Variants in COL19A1 observed in about 807,000 individuals in gnomAD.
The protein encoded by COL19A1 is collagen alpha-1(XIX) chain.
A neutral mutation model predicts 190.2 loss-of-function variants in COL19A1; 159 were observed. That is an observed-to-expected ratio of 0.84 (90% CI 0.73 to 0.95). The LOEUF (loss-of-function observed/expected upper bound fraction) is 0.95. Ranked by LOEUF, COL19A1 falls within the 40% of genes least tolerant of loss-of-function variation. The pLI is 0.00. For synonymous variants in COL19A1, 509 were observed against 458.9 expected (o/e 1.11, Z -1.39); for missense variants, 1,418 against 1,431.9 (o/e 0.99, Z 0.16).
At chr6:70,059,935 A>T (rs1562129646) in intron 14 of COL19A1, 2 of 339,284 alleles carry the variant, frequency 5.9e-6, no homozygotes, top group Non-Finnish European at 1.1e-5. Flanking sequence ...AAGAAAAAAA[A>T]TCCACAGGCT....
intron 9 of COL19A1, among the ~76,000 whole-genome samples, chr6:69,940,760 C>G (rs772211263): frequency 6.6e-6 from 1 of 152,088 alleles, no homozygotes; most frequent in South Asian, 2.1e-4. Context: ...TTTGCTTAAA[C>G]CAACATATGC....
At chr6:69,977,643 G>A (rs1435952041) in intron 11 of COL19A1, among the ~76,000 whole-genome samples, 3 of 151,132 alleles carry the variant, frequency 2.0e-5, no homozygotes, top group Non-Finnish European at 4.4e-5. Flanking sequence ...CTTTTTGCTT[G>A]GCATTTCCCA....
chr6:69,914,732 A>AT (rs1235121348), intron 4 of COL19A1, among the ~76,000 whole-genome samples: 1 of 152,216 alleles, frequency 6.6e-6, no homozygotes, highest in Admixed American at 6.5e-5. Flanking sequence ...TTCAAGGCTT[A>AT]TGCTTTGAGC....
chr6:69,971,777 AG>A (rs1420973621), intron 11 of COL19A1, among the ~76,000 whole-genome samples: 1 of 152,194 alleles, frequency 6.6e-6, no homozygotes, highest in Admixed American at 6.5e-5. Context: ...TCCAAATTAT[AG>A]TTTAAATCTG....
chr6:70,032,856 G>A (rs999174315), intron 12 of COL19A1, among the ~76,000 whole-genome samples: 1 of 152,096 alleles, frequency 6.6e-6, no homozygotes, highest in African/African-American at 2.4e-5. Context: ...TCTATTCACA[G>A]AAATGGCAAA....
At chr6:70,134,734 C>T (rs913369481) in intron 18 of COL19A1, among the ~76,000 whole-genome samples, 1 of 152,146 alleles carries the variant, frequency 6.6e-6, no homozygotes, top group African/African-American at 2.4e-5. Context: ...GTCAGAAAAG[C>T]AAACACTTCT....
At chr6:69,938,291 G>T (rs1357959045) in intron 9 of COL19A1, among the ~76,000 whole-genome samples, 191 bp downstream of exon 9, 1 of 152,016 alleles carries the variant, frequency 6.6e-6, no homozygotes, top group Non-Finnish European at 1.5e-5. Context: ...AATTCATATT[G>T]GTAGGCTGGT....
intron 18 of COL19A1, among the ~76,000 whole-genome samples, chr6:70,130,653 G>T (rs1412923827): frequency 6.6e-6 from 1 of 152,240 alleles, no homozygotes; most frequent in Non-Finnish European, 1.5e-5. Context: ...CCTGCAGTGG[G>T]CAGGGGCCTC....
chr6:70,107,046 G>C (rs749040561), intron 16 of COL19A1, among the ~76,000 whole-genome samples: 54 of 152,178 alleles, frequency 3.5e-4, no homozygotes, highest in Non-Finnish European at 5.3e-4. Context: ...ATCTTGAAAA[G>C]TAGAAATTAT....
chr6:70,075,088 C>A (rs971193976), intron 15 of COL19A1, among the ~76,000 whole-genome samples: 1 of 152,210 alleles, frequency 6.6e-6, no homozygotes, highest in East Asian at 1.9e-4. Context: ...CAGATAACAT[C>A]GTATTTTATT....
intron 9 of COL19A1, among the ~76,000 whole-genome samples, chr6:69,941,672 G>A (rs1231141017): frequency 6.7e-6 from 1 of 149,568 alleles, no homozygotes; most frequent in Non-Finnish European, 1.5e-5. Flanking sequence ...ACCTTCTCTG[G>A]ATACAATGTG....
intron 16 of COL19A1, among the ~76,000 whole-genome samples, chr6:70,113,721 T>C (rs1305034473): frequency 6.6e-6 from 1 of 152,098 alleles, no homozygotes; most frequent in Non-Finnish European, 1.5e-5. Flanking sequence ...GCTCTCTTTC[T>C]AGTAGAAGCC....
intron 11 of COL19A1, 86 bp from the exon 12 acceptor site, chr6:70,023,541 A>G (rs1339027788): frequency 1.8e-6 from 2 of 1,102,640 alleles, no homozygotes; most frequent in African/African-American, 1.6e-5. Flanking sequence ...ATATTGTTAT[A>G]AATACCCAAC....
intron 35 of COL19A1, 103 bp from the exon 36 acceptor site, chr6:70,163,240 A>T: frequency 1.0e-6 from 1 of 1,004,754 alleles, no homozygotes; most frequent in Non-Finnish European, 1.5e-6. Context: ...TTTAATTAGG[A>T]TCAAATGACC....
At chr6:70,005,323 A>T (rs1777549514) in intron 11 of COL19A1, among the ~76,000 whole-genome samples, 1 of 151,844 alleles carries the variant, frequency 6.6e-6, no homozygotes, top group South Asian at 2.1e-4. Flanking sequence ...TGACCTTTGG[A>T]TGGATTTTTT....
intron 11 of COL19A1, among the ~76,000 whole-genome samples, chr6:70,002,856 G>T (rs1369889250): frequency 1.4e-5 from 2 of 139,596 alleles, no homozygotes; most frequent in Non-Finnish European, 3.1e-5. Context: ...TTGATTTTTT[G>T]GAGGGTTTTT....
intron 16 of COL19A1, among the ~76,000 whole-genome samples, chr6:70,121,395 C>T (rs1174899081): frequency 6.6e-6 from 1 of 151,954 alleles, no homozygotes; most frequent in East Asian, 1.9e-4. Flanking sequence ...TTTTCTGGCC[C>T]AAAAGTCCAT....
Position 70,137,775 on chromosome 6 carries a change from G to A in COL19A1, c.1446+28G>A, listed in dbSNP as rs377416407. ...AAGTATTTTAGCTTTGAGGACAGAG[G>A]AAGAATATCTAAAAAACGGGATTAA... On this transcript the variant is annotated intron_variant, in intron 19 of 50. Coordinates refer to ENST00000620364, the MANE Select transcript of COL19A1 (RefSeq NM_001858.6). 3.7e-6 allele frequency: 6 copies of A among 1,605,734 alleles called. No individual in the cohort carries two copies. In the East Asian group the frequency reaches 6.7e-5, roughly 18 times the overall value.
intron 15 of COL19A1, among the ~76,000 whole-genome samples, chr6:70,074,210 A>C (rs1234075797): frequency 6.6e-6 from 1 of 151,902 alleles, no homozygotes; most frequent in Non-Finnish European, 1.5e-5. Flanking sequence ...TAATAATAAT[A>C]GTGTTTCATT....
Sources: gnomAD v4.1 joint callset for allele counts (sites outside exome capture counted in the v4.1 genomes callset) on GRCh38, gnomAD v4.1.1 for gene constraint, MANE v1.5 for transcripts, NCBI Gene and HGNC (gene_info 2026-07-23, HGNC 2026-07-21) for gene names.